The following GALNT10 variants were observed in gnomAD, a reference collection of about 807,000 sequenced individuals.
The protein encoded by GALNT10 is polypeptide N-acetylgalactosaminyltransferase 10, also known as GalNAc transferase 10.
In GALNT10, 41 loss-of-function variants were observed where a neutral mutation model predicts 75.0. The ratio of observed to expected loss-of-function variants is 0.55; its 90% CI spans 0.43 to 0.71. GALNT10 has a LOEUF of 0.71. GALNT10 is among the 30% of genes least tolerant of loss of function. The probability of loss-of-function intolerance (pLI) is 0.00; values close to 1 mark genes in which losing one functional copy is unlikely to be tolerated. For missense variants in GALNT10, 727 were observed against 818.5 expected, an observed-to-expected ratio of 0.89 and a Z score of 1.36; for synonymous variants, 302 against 313.0, an observed-to-expected ratio of 0.96 and a Z score of 0.37.
At chr5:154,306,071 T>C (rs532454394) in intron 3 of GALNT10, among the ~76,000 whole-genome samples, 1 of 152,264 alleles carries the variant, frequency 6.6e-6, no homozygotes, top group East Asian at 1.9e-4. Context: ...GCCACAATTA[T>C]GAGATTATGA....
At chr5:154,404,035 A>G in intron 7 of GALNT10, 69 bp from the exon 8 acceptor site, 2 of 1,213,032 alleles carry the variant, frequency 1.6e-6, no homozygotes, top group Non-Finnish European at 2.5e-6. Flanking sequence ...GCACTAAGGG[A>G]TGCTGGCCTG....
chr5:154,291,686 C>T (rs1754196905), intron 1 of GALNT10, among the ~76,000 whole-genome samples: 1 of 152,190 alleles, frequency 6.6e-6, no homozygotes, highest in South Asian at 2.1e-4. Flanking sequence ...CTTAGTGTAG[C>T]CTTAGGACTT....
intron 1 of GALNT10, among the ~76,000 whole-genome samples, chr5:154,238,536 C>A (rs534164374): frequency 6.6e-6 from 1 of 152,288 alleles, no homozygotes; most frequent in South Asian, 2.1e-4. Flanking sequence ...TCCCCCTGCG[C>A]TTTACCCTGG....
intron 1 of GALNT10, among the ~76,000 whole-genome samples, chr5:154,233,823 C>G (rs1753202836): frequency 6.6e-6 from 1 of 152,144 alleles, no homozygotes; most frequent in Non-Finnish European, 1.5e-5. Context: ...GACAGAAGTG[C>G]TTTTGGTGGG....
At chr5:154,403,241 G>A (rs1315474494) in intron 7 of GALNT10, among the ~76,000 whole-genome samples, 1 of 152,162 alleles carries the variant, frequency 6.6e-6, no homozygotes, top group Non-Finnish European at 1.5e-5. Context: ...GTGGGTAAGT[G>A]GCTGAGCCAG....
Position 154,376,319 on chromosome 5 carries a change from C to T in GALNT10, c.611C>T (p.Pro204Leu), listed in dbSNP as rs201987167. ...CTTGAAGACTACATGGCCCTTTTCCCCAGTGTGAGGATTCTTCGAACCAAG... is the reference window on the plus strand; with the variant it reads ...CTTGAAGACTACATGGCCCTTTTCCTCAGTGTGAGGATTCTTCGAACCAAG... ...KPLEDYMALF[P>L]SVRILRTKKR... Residue 204 changes from proline to leucine, a missense_variant, in exon 5 of 12, where the codon CCC becomes CTC. By Grantham distance (98) the Pro-to-Leu change is moderately conservative. Coordinates refer to ENST00000297107, the MANE Select transcript of GALNT10 (RefSeq NM_198321.4). This position sits in a 1 kb window ranked among gnomAD's most constrained non-coding sequence, Gnocchi z 4.1. 1 of 1,612,734 alleles carries T rather than the reference C, an allele frequency of 6.2e-7. No homozygotes were observed. The highest frequency in any genetic ancestry group is 8.5e-7 in the Non-Finnish European group (1 of 1,179,206).
chr5:154,318,238 TTC>T, intron 3 of GALNT10, among the ~76,000 whole-genome samples: 1 of 152,210 alleles, frequency 6.6e-6, no homozygotes, highest in African/African-American at 2.4e-5. Flanking sequence ...GACTTGCCCA[TTC>T]CCTCATTGAC....
At chr5:154,254,619 A>C (rs1209061534) in intron 1 of GALNT10, among the ~76,000 whole-genome samples, 1 of 151,586 alleles carries the variant, frequency 6.6e-6, no homozygotes, top group Non-Finnish European at 1.5e-5. Flanking sequence ...TCTTTGAAAA[A>C]AGTCTGTAGC....
chr5:154,300,421 G>A (rs959304568), intron 3 of GALNT10, among the ~76,000 whole-genome samples: 1 of 152,116 alleles, frequency 6.6e-6, no homozygotes, highest in African/African-American at 2.4e-5. Context: ...ACAAAGGCCA[G>A]GACCCCACCC....
At chr5:154,248,733 C>T (rs2113672881) in intron 1 of GALNT10, among the ~76,000 whole-genome samples, 1 of 152,284 alleles carries the variant, frequency 6.6e-6, no homozygotes, top group East Asian at 1.9e-4. Context: ...AGTGGTCTAT[C>T]AATTTTGTTG....
intron 3 of GALNT10, among the ~76,000 whole-genome samples, chr5:154,322,258 A>G (rs116816843): frequency 0.012 from 1,760 of 152,122 alleles, 34 homozygotes; most frequent in African/African-American, 0.04. Context: ...CTGGCTGTCT[A>G]TCAGCTGCCG....
chr5:154,341,272 A>T (rs1755028908), intron 4 of GALNT10, among the ~76,000 whole-genome samples: 1 of 152,188 alleles, frequency 6.6e-6, no homozygotes, highest in Non-Finnish European at 1.5e-5. Flanking sequence ...TAGTATAATA[A>T]TAAAATTATT....
chr5:154,271,075 G>A (rs1462834354), intron 1 of GALNT10, among the ~76,000 whole-genome samples: 1 of 151,608 alleles, frequency 6.6e-6, no homozygotes, highest in Non-Finnish European at 1.5e-5. Flanking sequence ...CCTTAAAAAA[G>A]GATAAAGTGG....
chr5:154,388,685 G>T (rs1755843535), intron 7 of GALNT10: 1 of 116,222 alleles, frequency 8.6e-6, no homozygotes, highest in Non-Finnish European at 1.7e-5. Flanking sequence ...CACCCTTTCT[G>T]GGATTTTTTT....
intron 1 of GALNT10, among the ~76,000 whole-genome samples, chr5:154,209,145 G>C (rs1354681276): frequency 6.6e-6 from 1 of 152,246 alleles, no homozygotes; most frequent in Non-Finnish European, 1.5e-5. Context: ...GCAGGAGCTA[G>C]GCAATGGAGA....
intron 7 of GALNT10, chr5:154,392,783 T>G (rs1755929163): frequency 1.3e-5 from 2 of 152,006 alleles, no homozygotes; most frequent in Admixed American, 6.6e-5. Context: ...GTGAGAAAAA[T>G]GTAGGCTTTG....
chr5:154,413,494 T>C (rs1756443968), intron 10 of GALNT10, among the ~76,000 whole-genome samples: 1 of 152,190 alleles, frequency 6.6e-6, no homozygotes, highest in South Asian at 2.1e-4. Context: ...GTCCTCATAT[T>C]GATGAGGACA....
chr5:154,280,684 C>T (rs867715629), intron 1 of GALNT10, among the ~76,000 whole-genome samples: 1 of 152,184 alleles, frequency 6.6e-6, no homozygotes, highest in Non-Finnish European at 1.5e-5. Flanking sequence ...TTTGTGTCCT[C>T]TTTAAGAAAC....
chr5:154,234,587 G>A lies in GALNT10; in HGVS notation c.159+43562G>A, dbSNP rs139975440. Among the ~76,000 whole-genome samples, 9 of 152,330 alleles carry A rather than the reference G, an allele frequency of 5.9e-5. 1 individual carries two copies. In the East Asian group the frequency reaches 1.2e-3, roughly 20 times the overall value. Reference sequence around the variant, plus strand: ...AGATATGATTACCTTCATTTAACACGTGAAGGAAGTAAGGTACCATGAGGT... The same window carrying A: ...AGATATGATTACCTTCATTTAACACATGAAGGAAGTAAGGTACCATGAGGT... On this transcript the variant is annotated intron_variant, in intron 1 of 11. Transcript: ENST00000297107.
Sources: gnomAD v4.1 joint callset for allele counts (sites outside exome capture counted in the v4.1 genomes callset) on GRCh38, gnomAD v4.1.1 for gene constraint, Gnocchi (gnomAD v3.1) non-coding constraint, MANE v1.5 for transcripts, NCBI Gene and HGNC (gene_info 2026-07-23, HGNC 2026-07-21) for gene names.